Variants in FCHO2 observed in about 807,000 individuals in gnomAD.
FCHO2 encodes FCH and mu domain containing endocytic adaptor 2.
A neutral mutation model predicts 114.1 loss-of-function variants in FCHO2; 43 were observed. The observed-to-expected ratio is 0.38, with a 90% CI of 0.30 to 0.49. The LOEUF (loss-of-function observed/expected upper bound fraction) is 0.49. FCHO2 is among the 20% of genes least tolerant of loss of function. The probability of loss-of-function intolerance (pLI) is 0.97; values close to 1 mark genes in which losing one functional copy is unlikely to be tolerated. For synonymous variants in FCHO2, 293 were observed against 315.2 expected, an observed-to-expected ratio of 0.93 and a Z score of 0.75; for missense variants, 807 against 950.4, an observed-to-expected ratio of 0.85 and a Z score of 1.98.
chr5:73,031,351 A>C (rs1186990690), intron 8 of FCHO2, among the ~76,000 whole-genome samples: 1 of 152,220 alleles, frequency 6.6e-6, no homozygotes, highest in Non-Finnish European at 1.5e-5. Context: ...TAGAAGCAGA[A>C]ATATGCTTGA....
rs1756409979 is a variant in FCHO2 at position 73,034,719 on chromosome 5, A to C, written c.841+18A>C. ...AGTTGAAGGTAAGTTGATTAGTTATAATATGTTAATGCACATGGCAGCTAG... is the reference window on the plus strand; with the variant it reads ...AGTTGAAGGTAAGTTGATTAGTTATCATATGTTAATGCACATGGCAGCTAG... On this transcript the variant is annotated intron_variant, in intron 9 of 25. Transcript: ENST00000430046. 1.9e-6 allele frequency: 3 copies of C among 1,574,610 alleles called. No individual in the cohort carries two copies. The highest frequency in any genetic ancestry group is 2.6e-6 in the Non-Finnish European group (3 of 1,162,524).
intron 8 of FCHO2, chr5:73,020,638 G>A: frequency 1.2e-6 from 1 of 868,716 alleles, no homozygotes; most frequent in Non-Finnish European, 1.9e-6. Flanking sequence ...GTAGAAGGAG[G>A]ACTTTCAAGT....
intron 11 of FCHO2, among the ~76,000 whole-genome samples, chr5:73,047,939 C>T (rs1335596025): frequency 2.6e-5 from 4 of 152,052 alleles, no homozygotes; most frequent in East Asian, 1.9e-4. Flanking sequence ...CAGGCTTAAG[C>T]GATCCTCCCA....
chr5:73,063,704 T>C (rs1757944775), intron 17 of FCHO2, 137 bp from the exon 18 acceptor site: 3 of 722,276 alleles, frequency 4.2e-6, no homozygotes, highest in Non-Finnish European at 7.2e-6. Context: ...TTTCAACATC[T>C]ATAATTACAT....
intron 18 of FCHO2, among the ~76,000 whole-genome samples, 166 bp from the exon 19 acceptor site, chr5:73,068,484 T>C (rs1310672148): frequency 2.6e-5 from 4 of 152,084 alleles, no homozygotes; most frequent in African/African-American, 9.7e-5. Context: ...CAGGCTTTAG[T>C]ATGTTCTTAA....
chr5:72,996,889 C>T (rs1389753516), intron 5 of FCHO2: 14 of 1,508,124 alleles, frequency 9.3e-6, no homozygotes, highest in East Asian at 2.4e-5. Context: ...CCGGCGGGGC[C>T]GGCAGAGCAG....
chr5:73,063,131 A>T (rs79008885), intron 17 of FCHO2, among the ~76,000 whole-genome samples: 1 of 152,176 alleles, frequency 6.6e-6, no homozygotes, highest in Non-Finnish European at 1.5e-5. Context: ...TGATGTATAC[A>T]TGACATTTAT....
chr5:73,005,603 C>G (rs1396458281), intron 5 of FCHO2, among the ~76,000 whole-genome samples: 1 of 152,050 alleles, frequency 6.6e-6, no homozygotes, highest in African/African-American at 2.4e-5. Flanking sequence ...TTCCTGTATC[C>G]AAGTTGATCA....
At chr5:73,058,950 A>C (rs1473389916) in intron 17 of FCHO2, among the ~76,000 whole-genome samples, 2 of 152,184 alleles carry the variant, frequency 1.3e-5, no homozygotes, top group Non-Finnish European at 2.9e-5. Flanking sequence ...TAATTTATCA[A>C]TTTAAAATTT....
chr5:73,044,701 T>A (rs944283283), intron 11 of FCHO2, among the ~76,000 whole-genome samples: 8 of 152,276 alleles, frequency 5.3e-5, no homozygotes, highest in African/African-American at 1.7e-4. Context: ...TCTTTCTTTT[T>A]TTTTGGTTTT....
rs554067792 is a variant in FCHO2, at chr5:73,063,878, C to G, written c.1383C>G (p.Val461=). Residue 461 remains valine (V), a synonymous_variant, in exon 18 of 26, where the codon GTC becomes GTG. Transcript: ENST00000430046. ...CTCCTCTTTCTGTAGGCACCATTGT[C>G]CCACCTCCGAGGCCTGCTTCCAGAC... is the stretch of plus-strand genomic sequence containing the variant. ...PTTPLSVGTI[V]PPPRPASRPK... 4 of 1,612,196 alleles carry G rather than the reference C, an allele frequency of 2.5e-6. No individual in the cohort carries two copies. In the South Asian group the frequency reaches 3.3e-5, roughly 13 times the overall value.
chr5:72,972,947 G>A (rs1465566924), intron 2 of FCHO2, among the ~76,000 whole-genome samples: 1 of 152,136 alleles, frequency 6.6e-6, no homozygotes. Flanking sequence ...TTTTCTGCAT[G>A]TATTGAGATA....
At chr5:72,976,435 C>G (rs1335968188) in intron 2 of FCHO2, among the ~76,000 whole-genome samples, 1 of 152,002 alleles carries the variant, frequency 6.6e-6, no homozygotes, top group Non-Finnish European at 1.5e-5. Flanking sequence ...TCTTGAACTC[C>G]TGGTCTCAAG....
Position 73,088,379 on chromosome 5 carries a change from G to A in FCHO2, c.*289G>A, listed in dbSNP as rs1316038575. The stretch of plus-strand genomic sequence containing the variant: ...GATTAATTTTTAAATTATTTCCAGT[G>A]TCTATGTTGAAAAAAAGGGTTATAG... On this transcript the variant is annotated 3_prime_UTR_variant, in exon 26 of 26. Coordinates refer to ENST00000430046, the MANE Select transcript of FCHO2 (RefSeq NM_138782.3). 1 of 393,972 alleles carries A rather than the reference G, an allele frequency of 2.5e-6. No homozygotes were observed. Among genetic ancestry groups the A allele is most frequent in the Admixed American group, 3.8e-5 (1 of 26,156 alleles). The allele number at this position is 393,972 out of a possible 1,614,324, so 24.4% of individuals were successfully genotyped here.
In FCHO2 at chr5:72,979,795, C is replaced by G. The variant is rs181690070; in HGVS notation, c.126-9632C>G. Among the ~76,000 whole-genome samples, 432 of 152,274 alleles carry G rather than the reference C, an allele frequency of 2.8e-3. 2 individuals carry two copies. The highest frequency in any genetic ancestry group is 9.9e-3 in the African/African-American group (411 of 41,556). On this transcript the variant is annotated intron_variant, in intron 2 of 25. Transcript: ENST00000430046. The stretch of plus-strand genomic sequence containing the variant: ...TCTATTGGATCAGTGGTGATATCCC[C>G]TTTATCATTTTTTATTGTGTCTATT...
chr5:73,050,922 A>T (rs547075666), intron 11 of FCHO2, among the ~76,000 whole-genome samples: 2 of 152,308 alleles, frequency 1.3e-5, no homozygotes, highest in South Asian at 2.1e-4. Flanking sequence ...AAACTGCATA[A>T]GGAGGTGCTA....
At chr5:73,003,908 C>G (rs189771053) in intron 5 of FCHO2, among the ~76,000 whole-genome samples, 1 of 151,704 alleles carries the variant, frequency 6.6e-6, no homozygotes, top group African/African-American at 2.4e-5. Context: ...ATTAGCTGGG[C>G]GTGGTGGCTT....
At chr5:72,981,158 G>A (rs1489899481) in intron 2 of FCHO2, among the ~76,000 whole-genome samples, 3 of 152,066 alleles carry the variant, frequency 2.0e-5, no homozygotes, top group South Asian at 4.1e-4. Context: ...AAATCTCTCA[G>A]CATTTGCTTG....
intron 8 of FCHO2, among the ~76,000 whole-genome samples, chr5:73,022,296 G>GT (rs1293300034): frequency 6.6e-6 from 1 of 152,130 alleles, no homozygotes; most frequent in East Asian, 1.9e-4. Flanking sequence ...GTGGATCAGT[G>GT]TTTTTCTTAA....
Sources: allele counts gnomAD v4.1 joint callset (sites outside exome capture counted in the v4.1 genomes callset), GRCh38; gene constraint gnomAD v4.1.1; transcripts MANE v1.5; gene names NCBI Gene and HGNC (gene_info 2026-07-23, HGNC 2026-07-21).